Variants in GRM1 observed in about 807,000 individuals in gnomAD.
GRM1 encodes the protein glutamate metabotropic receptor 1, also known as metabotropic glutamate receptor 1.
A neutral mutation model predicts 90.9 loss-of-function variants in GRM1; 33 were observed. The observed-to-expected ratio is 0.36, with a 90% confidence interval of 0.28 to 0.49. The LOEUF (loss-of-function observed/expected upper bound fraction) is 0.49. Among genes scored for constraint, GRM1 ranks in the 20% least tolerant of loss-of-function variants. The probability of loss-of-function intolerance (pLI) is 0.99; values close to 1 mark genes in which losing one functional copy is unlikely to be tolerated. For missense variants in GRM1, 1,190 were observed against 1,534.3 expected (o/e 0.78, Z 3.75); for synonymous variants, 700 against 613.2 (o/e 1.14, Z -2.09).
intron 1 of GRM1, among the ~76,000 whole-genome samples, chr6:146,116,427 G>A (rs1775751166): frequency 6.6e-6 from 1 of 152,038 alleles, no homozygotes; most frequent in South Asian, 2.1e-4. Context: ...AATGCCAAAT[G>A]ATCATTATAT....
At chr6:146,158,256 C>A (rs1777590372) in intron 1 of GRM1, among the ~76,000 whole-genome samples, 1 of 151,866 alleles carries the variant, frequency 6.6e-6, no homozygotes, top group South Asian at 2.1e-4. Flanking sequence ...AAGAGGTAGA[C>A]TATGAAATCT....
At chr6:146,304,961 G>T in intron 3 of GRM1, 115 bp downstream of exon 3, 1 of 774,796 alleles carries the variant, frequency 1.3e-6, no homozygotes, top group Non-Finnish European at 2.3e-6. Context: ...AGACAAAATT[G>T]CCATCTGTGT....
At chr6:146,081,707 T>C (rs545610251) in intron 1 of GRM1, among the ~76,000 whole-genome samples, 2 of 152,322 alleles carry the variant, frequency 1.3e-5, no homozygotes, top group South Asian at 4.1e-4. Flanking sequence ...AATTCATCGA[T>C]GAATTGTACA....
intron 2 of GRM1, among the ~76,000 whole-genome samples, chr6:146,262,615 ATAT>A (rs1583239407): frequency 6.6e-6 from 1 of 151,984 alleles, no homozygotes; most frequent in Non-Finnish European, 1.5e-5. Context: ...CAACATGTAT[ATAT>A]TATATTTTCT....
At chr6:146,429,997 G>T (rs1778352058) in intron 7 of GRM1, among the ~76,000 whole-genome samples, 1 of 152,130 alleles carries the variant, frequency 6.6e-6, no homozygotes, top group African/African-American at 2.4e-5. Flanking sequence ...TGTGCAGGAG[G>T]CTTCCCTCCT....
intron 7 of GRM1, among the ~76,000 whole-genome samples, chr6:146,428,166 A>G (rs556906905): frequency 8.5e-4 from 130 of 152,332 alleles, no homozygotes; most frequent in African/African-American, 3.1e-3. Flanking sequence ...GTAGGTTTAA[A>G]TCTGTGCACC....
At chr6:146,260,049 G>A (rs959097898) in intron 2 of GRM1, among the ~76,000 whole-genome samples, 1 of 151,138 alleles carries the variant, frequency 6.6e-6, no homozygotes, top group African/African-American at 2.4e-5. Flanking sequence ...TAGGATACAT[G>A]TGCAGAACGT....
intron 3 of GRM1, among the ~76,000 whole-genome samples, chr6:146,336,494 G>A (rs1382213030): frequency 6.6e-6 from 1 of 152,160 alleles, no homozygotes; most frequent in Non-Finnish European, 1.5e-5. Context: ...AGCAAACGAT[G>A]GGGGAACAGA....
chr6:146,139,573 GTC>G (rs928878402), intron 1 of GRM1, among the ~76,000 whole-genome samples: 5 of 151,902 alleles, frequency 3.3e-5, no homozygotes, highest in African/African-American at 1.2e-4. Context: ...AATGATCCTT[GTC>G]TCTTTTTATA....
intron 1 of GRM1, among the ~76,000 whole-genome samples, chr6:146,115,677 C>A (rs1028280597): frequency 6.6e-6 from 1 of 152,104 alleles, no homozygotes; most frequent in Non-Finnish European, 1.5e-5. Context: ...CTAGGAGTTA[C>A]AAATTTGCTA....
At chr6:146,312,273 G>T (rs370262204) in intron 3 of GRM1, among the ~76,000 whole-genome samples, 10 of 147,774 alleles carry the variant, frequency 6.8e-5, no homozygotes, top group Non-Finnish European at 1.5e-4. Flanking sequence ...CCCAGGAGGC[G>T]GAGCTTGCAG....
chr6:146,407,528 C>T (rs527754401), intron 7 of GRM1, among the ~76,000 whole-genome samples: 11 of 152,216 alleles, frequency 7.2e-5, no homozygotes, highest in African/African-American at 2.6e-4. Context: ...ATAGTCAATG[C>T]ATATTCAAGT....
chr6:146,083,701 T>G (rs903146203), intron 1 of GRM1, among the ~76,000 whole-genome samples: 1 of 152,164 alleles, frequency 6.6e-6, no homozygotes, highest in Admixed American at 6.5e-5. Flanking sequence ...TTTCCTTTTT[T>G]GTTGTGTCTC....
chr6:146,244,931 A>C (rs542319819), intron 2 of GRM1, among the ~76,000 whole-genome samples: 44 of 152,354 alleles, frequency 2.9e-4, no homozygotes, highest in Non-Finnish European at 5.9e-4. Flanking sequence ...AGAATAGAGC[A>C]GTTAGCTATT....
intron 1 of GRM1, among the ~76,000 whole-genome samples, chr6:146,111,330 G>A (rs1227893886): frequency 6.6e-6 from 1 of 152,206 alleles, no homozygotes; most frequent in South Asian, 2.1e-4. Context: ...TAACTGATTT[G>A]TAAAGTGGGG....
chr6:146,155,750 T>C (rs1003794875), intron 1 of GRM1, among the ~76,000 whole-genome samples: 6 of 152,204 alleles, frequency 3.9e-5, no homozygotes, highest in Non-Finnish European at 7.3e-5. Context: ...ACCTTCCAAT[T>C]TCTCCAACTT....
chr6:146,039,369 C>CATTAA (rs1791013548), intron 1 of GRM1, among the ~76,000 whole-genome samples: 1 of 151,828 alleles, frequency 6.6e-6, no homozygotes. Flanking sequence ...TGCTCAGGGA[C>CATTAA]CTCTAAGAAT....
At chr6:146,141,040 G>T (rs549723414) in intron 1 of GRM1, among the ~76,000 whole-genome samples, 1 of 152,224 alleles carries the variant, frequency 6.6e-6, no homozygotes, top group Admixed American at 6.5e-5. Flanking sequence ...ACTCCCTTTA[G>T]CATTTCTTGT....
At chr6:146,293,581 A>G (rs1473715724) in intron 2 of GRM1, among the ~76,000 whole-genome samples, 1 of 151,948 alleles carries the variant, frequency 6.6e-6, no homozygotes, top group African/African-American at 2.4e-5. Flanking sequence ...TCAGTCTTTG[A>G]CTGGTTTTAG....
Sources: gnomAD v4.1 joint callset for allele counts (sites outside exome capture counted in the v4.1 genomes callset) on GRCh38, gnomAD v4.1.1 for gene constraint, MANE v1.5 for transcripts, NCBI Gene and HGNC (gene_info 2026-07-23, HGNC 2026-07-21) for gene names.